The following PRC1 variants were observed in gnomAD, a reference collection of about 807,000 sequenced individuals.
PRC1 encodes protein regulator of cytokinesis 1, also known as anaphase spindle elongation 1 homolog.
A neutral mutation model predicts 91.2 loss-of-function variants in PRC1; 54 were observed. That is an observed-to-expected ratio of 0.59 (90% CI 0.48 to 0.74). The LOEUF (loss-of-function observed/expected upper bound fraction) is 0.74, where lower values mean the gene tolerates loss of function less well. Ranked by LOEUF, PRC1 falls within the 30% of genes least tolerant of loss-of-function variation. The pLI is 0.00. For missense variants in PRC1, 727 were observed against 746.2 expected, an observed-to-expected ratio of 0.97 and a Z score of 0.30; for synonymous variants, 275 against 263.6, an observed-to-expected ratio of 1.04 and a Z score of -0.42.
chr15:90,992,248 T>C (rs2040021034), intron 1 of PRC1, among the ~76,000 whole-genome samples: 1 of 152,190 alleles, frequency 6.6e-6, no homozygotes, highest in South Asian at 2.1e-4. Flanking sequence ...ACATAGCACT[T>C]ACCACCATTT....
chr15:90,971,958 G>T (rs1266792978), intron 11 of PRC1, among the ~76,000 whole-genome samples: 1 of 152,096 alleles, frequency 6.6e-6, no homozygotes, highest in Non-Finnish European at 1.5e-5. Flanking sequence ...AACCCAGGAG[G>T]TGTAGGTTGC....
chr15:90,993,939 CAAAG>C (rs2040134796), intron 1 of PRC1, among the ~76,000 whole-genome samples: 1 of 152,092 alleles, frequency 6.6e-6, no homozygotes, highest in Non-Finnish European at 1.5e-5. Context: ...AAGAATAAAA[CAAAG>C]AAAAACAACG....
In PRC1 at chr15:90,970,492, T is replaced by C. The variant is rs781065511; in HGVS notation, c.1484A>G (p.Asn495Ser). ...CCGAATGCTACTATTGGCCGTAGCA[T>C]TGGACATGGTGGTAGTGTTCAGCTA... Reference protein sequence around the residue: ...ARKLNTTTMSNATANSSIRPI... With the variant: ...ARKLNTTTMSSATANSSIRPI... The change falls in exon 12 of 15, where the codon AAT becomes AGT. Residue 495 changes from asparagine to serine, a missense_variant. Asn to Ser is a conservative substitution (Grantham distance 46). Transcript: ENST00000394249. The C allele has an allele frequency of 5.0e-6, 8 of 1,613,248 alleles. No individual in the cohort carries two copies. The highest frequency in any genetic ancestry group is 5.1e-6 in the Non-Finnish European group (6 of 1,179,284).
At chr15:90,973,772 C>A (rs776631306) in intron 11 of PRC1, among the ~76,000 whole-genome samples, 2 of 152,110 alleles carry the variant, frequency 1.3e-5, no homozygotes, top group Non-Finnish European at 2.9e-5. Flanking sequence ...AGGCACAGTA[C>A]CTTCCCTTGA....
intron 1 of PRC1, among the ~76,000 whole-genome samples, chr15:90,986,949 C>T (rs1336104308): frequency 6.6e-6 from 1 of 151,216 alleles, no homozygotes; most frequent in East Asian, 1.9e-4. Context: ...ATGTGTATCA[C>T]TATGTGATTC....
intron 3 of PRC1, 49 bp downstream of exon 3, chr15:90,983,969 G>T: frequency 1.3e-6 from 2 of 1,594,678 alleles, no homozygotes. Flanking sequence ...TGCTTTCTAA[G>T]TCTCAGGCCC....
intron 8 of PRC1, 28 bp downstream of exon 8, chr15:90,979,130 G>C (rs775478942): frequency 6.2e-7 from 1 of 1,605,814 alleles, no homozygotes; most frequent in African/African-American, 1.3e-5. Flanking sequence ...TTTCTTAACA[G>C]TTAAAAACAC....
At chr15:90,973,605 C>T (rs965241641) in intron 11 of PRC1, among the ~76,000 whole-genome samples, 6 of 151,940 alleles carry the variant, frequency 3.9e-5, no homozygotes, top group Non-Finnish European at 8.8e-5. Flanking sequence ...GTGTAAAACC[C>T]GATCGTACGT....
chr15:90,969,196 C>T, intron 13 of PRC1, 76 bp from the exon 14 acceptor site: 2 of 1,472,884 alleles, frequency 1.4e-6, no homozygotes, highest in Admixed American at 1.7e-5. Context: ...GGGGTTGCCT[C>T]CTGCAGCCAG....
intron 12 of PRC1, 37 bp from the exon 13 acceptor site, chr15:90,969,660 C>T (rs1194668754): frequency 1.3e-6 from 2 of 1,547,408 alleles, no homozygotes; most frequent in Non-Finnish European, 1.7e-6. Flanking sequence ...TATCATCCTT[C>T]TAATGAACGT....
chr15:90,986,373 A>C (rs941561581), intron 1 of PRC1, among the ~76,000 whole-genome samples: 1 of 152,256 alleles, frequency 6.6e-6, no homozygotes, highest in African/African-American at 2.4e-5. Flanking sequence ...TCACACCTGT[A>C]ATTCCAGGAC....
intron 14 of PRC1, chr15:90,967,893 C>G: frequency 1.0e-6 from 1 of 985,488 alleles, no homozygotes; most frequent in Non-Finnish European, 1.2e-6. Context: ...AAGCTTTGGT[C>G]TCTTGAGCCC....
Position 90,984,733 on chromosome 15 carries a change from T to C in PRC1, c.104A>G (p.Gln35Arg). Residue 35 changes from glutamine (Q) to arginine (R), a missense_variant, in exon 2 of 15, where the codon CAG (glutamine) becomes CGG (arginine). Coordinates refer to ENST00000394249, the MANE Select transcript of PRC1 (RefSeq NM_003981.4). The surrounding 1 kb of genome is among the most constrained non-coding windows in gnomAD (Gnocchi z 5.1). ...TACCACCTCAGTTCTTTGTAACCGC[T>C]GGTCCTCTGGAATCCCAATTAGCTC... ...IWELIGIPED[Q>R]RLQRTEVVKK... The C allele has an allele frequency of 6.2e-7, 1 of 1,614,240 alleles. No homozygotes were observed. The highest frequency in any genetic ancestry group is 1.7e-5 in the Admixed American group (1 of 60,030).
intron 7 of PRC1, 96 bp from the exon 8 acceptor site, chr15:90,979,390 T>C: frequency 7.3e-7 from 1 of 1,363,996 alleles, no homozygotes; most frequent in Non-Finnish European, 1.0e-6. Context: ...AATAGATTCT[T>C]TCCTTATAGT....
intron 11 of PRC1, among the ~76,000 whole-genome samples, chr15:90,971,176 A>G (rs535542441): frequency 6.6e-6 from 1 of 152,220 alleles, no homozygotes; most frequent in Admixed American, 6.5e-5. Context: ...AGGTAATACA[A>G]AGAGGCACTA....
chr15:90,990,308 C>T (rs577709791), intron 1 of PRC1, among the ~76,000 whole-genome samples: 1 of 149,666 alleles, frequency 6.7e-6, no homozygotes, highest in South Asian at 2.1e-4. Context: ...TGCACTCCAG[C>T]CTGGGTGACA....
chr15:90,974,183 T>C lies in PRC1; in HGVS notation c.1414A>G (p.Ser472Gly). Residue 472 changes from serine to glycine, a missense_variant, in exon 11 of 15, where the codon AGC (serine) becomes GGC (glycine). Physicochemically the swap from Ser to Gly is moderately conservative, Grantham distance 56. Transcript: ENST00000394249. This position sits in a 1 kb window ranked among gnomAD's most constrained non-coding sequence, Gnocchi z 4.6. ...TTGGGAGCCAGTCCTCGCCGCTTGC[T>C]AGGTGTTCGAGGAGCGCTGCCATAC... ...MLYGSAPRTPSKRRGLAPNTP... is the reference protein window; with the variant it reads ...MLYGSAPRTPGKRRGLAPNTP... 1 of 1,614,212 alleles carries C rather than the reference T, an allele frequency of 6.2e-7. No homozygotes were observed. The highest frequency in any genetic ancestry group is 8.5e-7 in the Non-Finnish European group (1 of 1,180,040).
chr15:90,991,786 G>T (rs75154785), intron 1 of PRC1, among the ~76,000 whole-genome samples: 1 of 152,046 alleles, frequency 6.6e-6, no homozygotes, highest in Non-Finnish European at 1.5e-5. Context: ...TTGCTGTATG[G>T]CAGGGGCCTC....
intron 5 of PRC1, 138 bp downstream of exon 5, chr15:90,981,361 A>G (rs1393407065): frequency 4.0e-6 from 4 of 996,942 alleles, no homozygotes; most frequent in Admixed American, 2.7e-5. Context: ...GTTGTATATC[A>G]TATATTACTA....
Sources: gnomAD v4.1 joint callset for allele counts (sites outside exome capture counted in the v4.1 genomes callset) on GRCh38, gnomAD v4.1.1 for gene constraint, Gnocchi (gnomAD v3.1) non-coding constraint, MANE v1.5 for transcripts, NCBI Gene and HGNC (gene_info 2026-07-23, HGNC 2026-07-21) for gene names.